MYH4: variants seen among roughly 807,000 people sequenced by gnomAD.
MYH4 encodes myosin heavy chain 4, also known as myosin-4.
Under a neutral mutation model 229.9 loss-of-function variants are expected in MYH4, and 200 were observed. That is an observed-to-expected ratio of 0.87 (90% CI 0.78 to 0.98). MYH4 has a LOEUF of 0.98. MYH4 is among the 50% of genes least tolerant of loss of function. The pLI is 0.00. For synonymous variants in MYH4, 761 were observed against 834.6 expected (o/e 0.91, Z 1.52); for missense variants, 2,148 against 2,332.6 (o/e 0.92, Z 1.63).
chr17:10,456,661 C>A (rs555615309), intron 16 of MYH4, 106 bp from the exon 17 acceptor site: 1 of 782,436 alleles, frequency 1.3e-6, no homozygotes, highest in Admixed American at 2.1e-5. Context: ...AATTTGCACT[C>A]ATTCACTTGC....
chr17:10,451,488 C>A, intron 27 of MYH4, 36 bp from the exon 28 acceptor site: 1 of 1,596,872 alleles, frequency 6.3e-7, no homozygotes. Context: ...AGAGACAATA[C>A]ATTTTTATTC....
intron 15 of MYH4, 75 bp downstream of exon 15, chr17:10,459,176 C>T: frequency 6.2e-7 from 1 of 1,609,762 alleles, no homozygotes; most frequent in Non-Finnish European, 8.5e-7. Flanking sequence ...TCTTTGAGAA[C>T]AGGGAGTGTG....
intron 2 of MYH4, among the ~76,000 whole-genome samples, chr17:10,467,851 G>A (rs1213364364): frequency 1.3e-5 from 2 of 152,178 alleles, no homozygotes; most frequent in African/African-American, 2.4e-5. Flanking sequence ...GACAGGGTGA[G>A]TGGCCAGAAT....
In MYH4 at chr17:10,455,289, C is replaced by T; in HGVS notation, c.2181G>A (p.Lys727=). The T allele has an allele frequency of 6.2e-7, 1 of 1,611,224 alleles. No individual in the cohort carries two copies. The highest frequency in any genetic ancestry group is 8.5e-7 in the Non-Finnish European group (1 of 1,179,124). ...CTGGGATAGCACTCGCATTTAGAAC[C>T]TTGTATCTGTCAGAATAAAAAGAAT... is the stretch of plus-strand genomic sequence containing the variant. The part of the protein sequence containing the change: ...ILYADFKQRY[K]VLNASAIPEG... Residue 727 remains lysine (K), a synonymous_variant, in exon 20 of 40, where the codon AAG becomes AAA. Coordinates refer to ENST00000255381, the MANE Select transcript of MYH4 (RefSeq NM_017533.2).
In MYH4 at chr17:10,448,427, C is replaced by T. The variant is rs1302227741; in HGVS notation, c.4625G>A (p.Ser1542Asn). ...KVKKQLDHEK[S>N]ELQTSLEEAE... ...TTCCTCTAGGGAAGTCTGTAGTTCA[C>T]TCTTCTCATGATCAAGTTGTTTCTT... Residue 1542 changes from serine (S) to asparagine (N), a missense_variant, in exon 33 of 40, where the codon AGT becomes AAT. By Grantham distance (46) the Ser-to-Asn change is conservative. Coordinates refer to ENST00000255381, the MANE Select transcript of MYH4 (RefSeq NM_017533.2). The T allele has an allele frequency of 6.2e-7, 1 of 1,613,954 alleles. No individual in the cohort carries two copies. The highest frequency in any genetic ancestry group is 1.1e-5 in the South Asian group (1 of 91,060).
Position 10,460,280 on chromosome 17 carries a change from C to T in MYH4, c.1189G>A (p.Asp397Asn), listed in dbSNP as rs374282643. Residue 397 changes from aspartate to asparagine, a missense_variant, in exon 13 of 40, where the codon GAC (aspartate) becomes AAC (asparagine). Transcript: ENST00000255381. The part of the protein sequence containing the change: ...AAYLTSLNSA[D>N]LLKSLCYPRV... ...GGATAGCAGAGAGATTTGAGCAGGTCAGCAGAGTTCAGACTTGTCAGATAA... is the reference window on the plus strand; with the variant it reads ...GGATAGCAGAGAGATTTGAGCAGGTTAGCAGAGTTCAGACTTGTCAGATAA... The T allele has an allele frequency of 6.2e-7, 1 of 1,613,446 alleles. No individual in the cohort carries two copies. The highest frequency in any genetic ancestry group is 8.5e-7 in the Non-Finnish European group (1 of 1,179,574).
At chr17:10,446,477 A>G (rs1405481234) in intron 35 of MYH4, among the ~76,000 whole-genome samples, 1 of 152,204 alleles carries the variant, frequency 6.6e-6, no homozygotes, top group Non-Finnish European at 1.5e-5. Flanking sequence ...CAATAAATTC[A>G]TACTACAGTG....
At chr17:10,459,861 A>G (rs2072681417) in intron 14 of MYH4, 91 bp downstream of exon 14, 1 of 1,603,966 alleles carries the variant, frequency 6.2e-7, no homozygotes, top group South Asian at 1.1e-5. Flanking sequence ...TTACATTTGT[A>G]TATTTTGTAA....
intron 22 of MYH4, 73 bp from the exon 23 acceptor site, chr17:10,453,958 G>A (rs941093917): frequency 3.1e-5 from 49 of 1,573,610 alleles, no homozygotes; most frequent in Admixed American, 1.8e-4. Flanking sequence ...ATTATAAGGT[G>A]GAAATTTCAG....
chr17:10,455,332 CT>C, intron 19 of MYH4, 37 bp from the exon 20 acceptor site: 1 of 1,583,326 alleles, frequency 6.3e-7, no homozygotes, highest in Non-Finnish European at 8.6e-7. Context: ...TGTGGTTTTT[CT>C]TCACTGAAAA....
At position 10,463,142 on chromosome 17, in the gene MYH4, T is replaced by C. The variant is rs113256695; in HGVS notation, c.852A>G (p.Arg284=). The change falls in exon 10 of 40, where the codon AGA becomes AGG. Residue 284 remains arginine (R), a synonymous_variant. Coordinates refer to ENST00000255381, the MANE Select transcript of MYH4 (RefSeq NM_017533.2). ...GGATTTGATAAAATATGTGGTAGCT[T>C]CTTTCAGCCTTTAGCTGAAAAGTAA... ...SRVTFQLKAE[R]SYHIFYQILS... is the part of the protein sequence containing the mutation. The C allele has an allele frequency of 3.8e-5, 61 of 1,613,656 alleles. No homozygotes were observed. The African/African-American group carries it at 7.2e-4, about 19-fold the overall frequency.
At chr17:10,455,769 A>G (rs556553516) in intron 18 of MYH4, 38 bp from the exon 19 acceptor site, 3 of 1,614,222 alleles carry the variant, frequency 1.9e-6, no homozygotes, top group African/African-American at 1.3e-5. Context: ...TTCGTGGTCT[A>G]TCGCACACAC....
At chr17:10,451,775 G>A (rs922078566) in intron 27 of MYH4, among the ~76,000 whole-genome samples, 166 bp downstream of exon 27, 2 of 152,140 alleles carry the variant, frequency 1.3e-5, no homozygotes, top group African/African-American at 4.8e-5. Flanking sequence ...CTACAAAGAA[G>A]TTAAGAGAAC....
Position 10,465,553 on chromosome 17 carries a change from G to T in MYH4, c.394C>A (p.Leu132Met). 1 of 1,614,134 alleles carries T rather than the reference G, an allele frequency of 6.2e-7. No individual in the cohort carries two copies. Among genetic ancestry groups the T allele is most frequent in the Non-Finnish European group, 8.5e-7 (1 of 1,180,032 alleles). ...ACCACCTCAGGGTTGTACACCGGCAGCCACTTGTAGGGGTTGACGGTGACA... is the reference window on the plus strand; with the variant it reads ...ACCACCTCAGGGTTGTACACCGGCATCCACTTGTAGGGGTTGACGGTGACA... ...FCVTVNPYKW[L>M]PVYNPEVVTA... Residue 132 changes from leucine (L) to methionine (M), a missense_variant, in exon 5 of 40, where the codon CTG becomes ATG. By Grantham distance (15) the Leu-to-Met change is conservative. Transcript: ENST00000255381.
At chr17:10,458,794 C>T (rs187234901) in intron 15 of MYH4, among the ~76,000 whole-genome samples, 21 of 152,150 alleles carry the variant, frequency 1.4e-4, no homozygotes, top group Admixed American at 1.2e-3. Flanking sequence ...TTATCATGAA[C>T]GGGGAAAGAC....
At chr17:10,463,006 G>T (rs368046349) in intron 10 of MYH4, 38 bp from the exon 11 acceptor site, 2 of 1,600,516 alleles carry the variant, frequency 1.2e-6, no homozygotes, top group Non-Finnish European at 1.7e-6. Flanking sequence ...AGACAGCATT[G>T]CTTTGGTCAT....
In MYH4 at chr17:10,464,455, A is replaced by G. The variant is rs769686743; in HGVS notation, c.648+17T>C. On this transcript the variant is annotated intron_variant, in intron 7 of 39. Coordinates refer to ENST00000255381, the MANE Select transcript of MYH4 (RefSeq NM_017533.2). Reference sequence around the variant, plus strand: ...TTAAAATCTGTTATTCTGTCCTTAGATGAATATCATGCCCACCTGCATTTT... The same window carrying G: ...TTAAAATCTGTTATTCTGTCCTTAGGTGAATATCATGCCCACCTGCATTTT... 6.9e-6 allele frequency: 11 copies of G among 1,600,074 alleles called. No homozygotes were observed. The highest frequency in any genetic ancestry group is 1.1e-5 in the South Asian group (1 of 90,336).
chr17:10,447,615 C>T (rs2072526038), intron 34 of MYH4, among the ~76,000 whole-genome samples: 2 of 152,184 alleles, frequency 1.3e-5, no homozygotes, highest in Admixed American at 1.3e-4. Context: ...CACAGTGCTT[C>T]TCTGCAGATA....
chr17:10,465,662 T>A, intron 4 of MYH4, 64 bp from the exon 5 acceptor site: 1 of 1,599,264 alleles, frequency 6.3e-7, no homozygotes, highest in Non-Finnish European at 8.6e-7. Flanking sequence ...GGAAATACTG[T>A]TTAAGGGCAA....
Sources: allele counts gnomAD v4.1 joint callset (sites outside exome capture counted in the v4.1 genomes callset), GRCh38; gene constraint gnomAD v4.1.1; transcripts MANE v1.5; gene names NCBI Gene and HGNC (gene_info 2026-07-23, HGNC 2026-07-21).